TNFSF9: variants seen among roughly 807,000 people sequenced by gnomAD.
TNFSF9 encodes the protein tumor necrosis factor ligand superfamily member 9.
In TNFSF9, 10 loss-of-function variants were observed where a neutral mutation model predicts 10.3. The ratio of observed to expected loss-of-function variants is 0.97; its 90% confidence interval spans 0.60 to 1.65. The LOEUF is 1.65. TNFSF9 is among the 40% of genes most tolerant of loss of function. The probability of loss-of-function intolerance (pLI) is 0.00; values close to 1 mark genes in which losing one functional copy is unlikely to be tolerated. For synonymous variants in TNFSF9, 195 were observed against 176.1 expected, an observed-to-expected ratio of 1.11 and a Z score of -0.85; for missense variants, 361 against 348.9, an observed-to-expected ratio of 1.03 and a Z score of -0.28.
Position 6,534,848 on chromosome 19 carries a change from G to A in TNFSF9, c.547G>A (p.Val183Met), listed in dbSNP as rs199748081. 21 of 1,606,562 alleles carry A rather than the reference G, an allele frequency of 1.3e-5. No homozygotes were observed. The highest frequency in any genetic ancestry group is 1.7e-4 in the Middle Eastern group (1 of 6,052). The stretch of plus-strand genomic sequence containing the variant: ...TGGGGCCGCCGCCCTGGCTTTGACC[G>A]TGGACCTGCCACCCGCCTCCTCCGA... ...AAGAAALALT[V>M]DLPPASSEAR... Residue 183 changes from valine to methionine, a missense_variant, in exon 3 of 3, where the codon GTG (valine) becomes ATG (methionine). Transcript: ENST00000245817.
At chr19:6,531,451 A>C (rs1915144884) in intron 1 of TNFSF9, 148 bp downstream of exon 1, 1 of 1,188,684 alleles carries the variant, frequency 8.4e-7, no homozygotes, top group South Asian at 1.9e-5. Flanking sequence ...CCCATTCTCC[A>C]TCTAGCACCG....
At position 6,534,764 on chromosome 19, in the gene TNFSF9, G is replaced by T. The variant is rs375400132; in HGVS notation, c.463G>T (p.Gly155Cys). The change falls in exon 3 of 3, where the codon GGC becomes TGC. Residue 155 changes from glycine to cysteine, a missense_variant. Coordinates refer to ENST00000245817, the MANE Select transcript of TNFSF9 (RefSeq NM_003811.4). The part of the protein sequence containing the change: ...FQLELRRVVA[G>C]EGSGSVSLAL... Reference sequence around the variant, plus strand: ...ACTAGAGCTGCGGCGCGTGGTGGCCGGCGAGGGCTCAGGCTCCGTTTCACT... The same window carrying T: ...ACTAGAGCTGCGGCGCGTGGTGGCCTGCGAGGGCTCAGGCTCCGTTTCACT... 3 of 1,598,778 alleles carry T rather than the reference G, an allele frequency of 1.9e-6. No homozygotes were observed. The highest frequency in any genetic ancestry group is 1.7e-5 in the Admixed American group (1 of 57,574).
At chr19:6,534,525 A>G (rs1041126808) in intron 2 of TNFSF9, 75 bp from the exon 3 acceptor site, 41 of 1,338,346 alleles carry the variant, frequency 3.1e-5, no homozygotes, top group Middle Eastern at 2.7e-4. Context: ...CTGCGCTGAC[A>G]TGTTCGGTGC....
intron 1 of TNFSF9, among the ~76,000 whole-genome samples, chr19:6,531,611 C>T (rs1438976154): frequency 6.6e-6 from 1 of 151,908 alleles, no homozygotes; most frequent in Non-Finnish European, 1.5e-5. Context: ...TTTCATCCTG[C>T]GCCCGCTACG....
intron 1 of TNFSF9, among the ~76,000 whole-genome samples, chr19:6,532,452 T>G: frequency 6.6e-6 from 1 of 151,166 alleles, no homozygotes; most frequent in South Asian, 2.1e-4. Context: ...TTCATGTGGG[T>G]GTGTTTGGAT....
chr19:6,534,480 C>T, intron 2 of TNFSF9, 120 bp from the exon 3 acceptor site: 2 of 987,054 alleles, frequency 2.0e-6, no homozygotes, highest in Non-Finnish European at 1.4e-6. Context: ...CCATTCCCCG[C>T]CCCCCGGCCC....
At chr19:6,534,210 C>A (rs1012810546) in intron 2 of TNFSF9, among the ~76,000 whole-genome samples, 8 of 151,028 alleles carry the variant, frequency 5.3e-5, no homozygotes, top group Admixed American at 1.3e-4. Flanking sequence ...TTTTCACCCC[C>A]TCTTCCTCTT....
rs1279225197 is a variant in TNFSF9, at chr19:6,535,508, C to T, written c.*442C>T. On this transcript the variant is annotated 3_prime_UTR_variant, in exon 3 of 3. Coordinates refer to ENST00000245817, the MANE Select transcript of TNFSF9 (RefSeq NM_003811.4). ...TTGCTTATTTGTGTGTATTGAGCAT[C>T]TGTAATGTGCCAGCATTGTGCCCAG... 1 of 151,982 alleles carries T rather than the reference C, an allele frequency of 6.6e-6. No homozygotes were observed. Among genetic ancestry groups the T allele is most frequent in the Non-Finnish European group, 1.5e-5 (1 of 68,020 alleles). The allele number at this position is 151,982 out of a possible 1,614,324, so 9.4% of individuals were successfully genotyped here.
intron 1 of TNFSF9, among the ~76,000 whole-genome samples, chr19:6,532,499 GTGTT>G (rs1480462971): frequency 2.0e-5 from 3 of 150,608 alleles, no homozygotes; most frequent in Admixed American, 1.3e-4. Context: ...GTTCGTGTGG[GTGTT>G]TGTGTGTGTT....
Position 6,531,264 on chromosome 19 carries a change from T to C in TNFSF9, c.228T>C (p.Leu76=). Residue 76 remains leucine, a synonymous_variant, in exon 1 of 3, where the codon CTT becomes CTC. Transcript: ENST00000245817. ...CGAGACTCCGCGAGGGTCCCGAGCT[T>C]TCGCCCGACGATCCCGCCGGCCTCT... The part of the protein sequence containing the change: ...ASPRLREGPE[L]SPDDPAGLLD... The C allele has an allele frequency of 6.6e-7, 1 of 1,510,176 alleles. No homozygotes were observed. Among genetic ancestry groups the C allele is most frequent in the Non-Finnish European group, 8.8e-7 (1 of 1,138,346 alleles). 93.5% of individuals were successfully genotyped at this position (1,510,176 alleles called of 1,614,324 possible).
chr19:6,535,059 C>G lies in TNFSF9; in HGVS notation c.758C>G (p.Ser253Trp), dbSNP rs1441783521. 6.4e-7 allele frequency: 1 copy of G among 1,557,206 alleles called. No homozygotes were observed. The highest frequency in any genetic ancestry group is 8.7e-7 in the Non-Finnish European group (1 of 1,149,872). ...CCAGCCGGACTCCCTTCACCGAGGTCGGAATAACGTCCAGCCTGGGTGCAG... is the reference window on the plus strand; with the variant it reads ...CCAGCCGGACTCCCTTCACCGAGGTGGGAATAACGTCCAGCCTGGGTGCAG... Reference protein sequence around the residue: ...EIPAGLPSPRSE With the variant: ...EIPAGLPSPRWE The change falls in exon 3 of 3, where the codon TCG (serine) becomes TGG (tryptophan). Residue 253 changes from serine (S) to tryptophan (W), a missense_variant. Coordinates refer to ENST00000245817, the MANE Select transcript of TNFSF9 (RefSeq NM_003811.4).
intron 2 of TNFSF9, 73 bp from the exon 3 acceptor site, chr19:6,534,527 G>A (rs565278107): frequency 6.4e-4 from 898 of 1,409,230 alleles, no homozygotes; most frequent in Non-Finnish European, 8.2e-4. Flanking sequence ...GCGCTGACAT[G>A]TTCGGTGCTC....
intron 1 of TNFSF9, among the ~76,000 whole-genome samples, chr19:6,532,293 GTGTGTT>G (rs1022871154): frequency 2.1e-5 from 3 of 142,880 alleles, no homozygotes; most frequent in African/African-American, 8.6e-5. Context: ...GTGTGTGTGT[GTGTGTT>G]CGTGTTTGTG....
chr19:6,534,214 T>G (rs1251940185), intron 2 of TNFSF9, among the ~76,000 whole-genome samples: 1 of 150,020 alleles, frequency 6.7e-6, no homozygotes, highest in Non-Finnish European at 1.5e-5. Flanking sequence ...CACCCCCTCT[T>G]CCTCTTCCTG....
intron 1 of TNFSF9, 139 bp from the exon 2 acceptor site, chr19:6,532,647 C>T: frequency 8.8e-7 from 1 of 1,136,374 alleles, no homozygotes; most frequent in Non-Finnish European, 1.3e-6. Flanking sequence ...GGTCTCTGTT[C>T]TTTAGTTGGG....
Position 6,532,800 on chromosome 19 carries a change from G to A in TNFSF9, c.282G>A (p.Gln94=). 6.2e-7 allele frequency: 1 copy of A among 1,613,808 alleles called. No individual in the cohort carries two copies. Among genetic ancestry groups the A allele is most frequent in the South Asian group, 1.1e-5 (1 of 91,084 alleles). The change falls in exon 2 of 3, where the codon CAG becomes CAA. Residue 94 remains glutamine (Q), a synonymous_variant. Transcript: ENST00000245817. ...LLDLRQGMFA[Q]LVAQNVLLID... ...ACTTTTAACAGGGCATGTTTGCGCA[G>A]CTGGTGGCCCAAAATGGTAAGTATC...
chr19:6,534,514 G>A, intron 2 of TNFSF9, 86 bp from the exon 3 acceptor site: 1 of 1,340,170 alleles, frequency 7.5e-7, no homozygotes. Flanking sequence ...TTCTCCCAGG[G>A]CTGCGCTGAC....
rs1338009485 is a variant in TNFSF9 at position 6,535,402 on chromosome 19, A to G, written c.*336A>G. 1.4e-5 allele frequency: 2 copies of G among 146,592 alleles called. No homozygotes were observed. The highest frequency in any genetic ancestry group is 5.1e-5 in the African/African-American group (2 of 39,406). 9.1% of individuals were successfully genotyped at this position (146,592 alleles called of 1,614,324 possible). A position where few individuals can be genotyped will look rare whatever the true frequency, so the allele number is the denominator to read the frequency against. ...TCGACATTGCCGAGGCTGGTCTTGAACTCCTGGACTTAGACGATCCTCCTG... is the reference window on the plus strand; with the variant it reads ...TCGACATTGCCGAGGCTGGTCTTGAGCTCCTGGACTTAGACGATCCTCCTG... On this transcript the variant is annotated 3_prime_UTR_variant, in exon 3 of 3. Coordinates refer to ENST00000245817, the MANE Select transcript of TNFSF9 (RefSeq NM_003811.4).
rs1404511058 is a variant in TNFSF9, at chr19:6,535,657, T to TTTCC, written c.*593_*594insCCTT. 3.3e-5 allele frequency: 5 copies of TTTCC among 152,056 alleles called. No individual in the cohort carries two copies. Among genetic ancestry groups the TTTCC allele is most frequent in the Non-Finnish European group, 7.3e-5 (5 of 68,032 alleles). 9.4% of individuals were successfully genotyped at this position (152,056 alleles called of 1,614,324 possible). On this transcript the variant is annotated 3_prime_UTR_variant, in exon 3 of 3. Coordinates refer to ENST00000245817, the MANE Select transcript of TNFSF9 (RefSeq NM_003811.4). ...CTGTGTGATACTTGGGGGCTAGCTTTTTTCTTTCTTTCTTTTTTTTGAGAT... is the reference window on the plus strand; with the variant it reads ...CTGTGTGATACTTGGGGGCTAGCTTTTTCCTTTCTTTCTTTCTTTTTTTTGAGAT...
Sources: allele counts gnomAD v4.1 joint callset (sites outside exome capture counted in the v4.1 genomes callset), GRCh38; gene constraint gnomAD v4.1.1; transcripts MANE v1.5; gene names NCBI Gene and HGNC (gene_info 2026-07-23, HGNC 2026-07-21).